PHF20L1: variants seen among roughly 807,000 people sequenced by gnomAD.
PHF20L1 encodes PHD finger protein 20-like protein 1.
PHF20L1 carries 44 observed loss-of-function variants against 125.5 expected under a neutral mutation model. That is an observed-to-expected ratio of 0.35 (90% CI 0.28 to 0.45). The LOEUF (loss-of-function observed/expected upper bound fraction) is 0.45. Among genes scored for constraint, PHF20L1 ranks in the 20% least tolerant of loss-of-function variants. The pLI is 1.00. For synonymous variants in PHF20L1, 380 were observed against 403.1 expected, an observed-to-expected ratio of 0.94 and a Z score of 0.69; for missense variants, 1,012 against 1,217.2, an observed-to-expected ratio of 0.83 and a Z score of 2.51.
At chr8:132,796,982 C>T (rs908087215) in intron 4 of PHF20L1, among the ~76,000 whole-genome samples, 14 of 152,016 alleles carry the variant, frequency 9.2e-5, no homozygotes, top group Non-Finnish European at 1.8e-4. Context: ...CAGGTACACA[C>T]ATAGCGCACA....
At chr8:132,832,448 G>A in intron 15 of PHF20L1, 49 bp downstream of exon 15, 1 of 1,325,386 alleles carries the variant, frequency 7.5e-7, no homozygotes, top group South Asian at 1.2e-5. Flanking sequence ...ATTCCTAAAT[G>A]TGTAACTGAG....
chr8:132,790,248 A>G (rs1831526297), intron 2 of PHF20L1, among the ~76,000 whole-genome samples: 1 of 152,234 alleles, frequency 6.6e-6, no homozygotes, highest in African/African-American at 2.4e-5. Flanking sequence ...GCATTTGTGA[A>G]TACATTTGTG....
Position 132,833,242 on chromosome 8 carries a change from C to T in PHF20L1, c.1909+843C>T, listed in dbSNP as rs16904747. Among the ~76,000 whole-genome samples, 1,282 of 152,156 alleles carry T rather than the reference C, an allele frequency of 8.4e-3. 27 individuals are homozygous for T. The highest frequency in any genetic ancestry group is 0.029 in the African/African-American group (1,220 of 41,530). Reference sequence around the variant, plus strand: ...CCTTTTTCTTTCTTCTGACTGACCTCGATGGTGGATACTAGGTTAAATGTT... The same window carrying T: ...CCTTTTTCTTTCTTCTGACTGACCTTGATGGTGGATACTAGGTTAAATGTT... On this transcript the variant is annotated intron_variant, in intron 15 of 20. Transcript: ENST00000395386.
At chr8:132,810,834 G>C in intron 8 of PHF20L1, 1 of 482,146 alleles carries the variant, frequency 2.1e-6, no homozygotes, top group South Asian at 2.2e-5. Context: ...TTAAACAACA[G>C]ACACACAACT....
Position 132,799,170 on chromosome 8 carries a change from GA to G in PHF20L1, c.506del (p.Glu169GlyfsTer4). 1 of 1,596,208 alleles carries G rather than the reference GA, an allele frequency of 6.3e-7. No homozygotes were observed. The highest frequency in any genetic ancestry group is 8.6e-7 in the Non-Finnish European group (1 of 1,167,576). On this transcript the variant is annotated frameshift_variant and splice_region_variant, in exon 6 of 21. Transcript: ENST00000395386. LOFTEE classifies it high-confidence loss of function. ...ATCGTGTAACCAGTCTATGGGAAGT[GA>G]GGTAAGAGCCTTTTTTTTAAAAATT... ...AGSCNQSMGS[E>X]DWIALVKAAA...
At chr8:132,832,799 T>C (rs1836916665) in intron 15 of PHF20L1, among the ~76,000 whole-genome samples, 1 of 152,154 alleles carries the variant, frequency 6.6e-6, no homozygotes, top group Non-Finnish European at 1.5e-5. Context: ...ACTCCGTAGA[T>C]AATGCTTTCT....
rs575168510 is a variant in PHF20L1, at chr8:132,793,461, C to A, written c.84-949C>A. Among the ~76,000 whole-genome samples, 11 of 152,160 alleles carry A rather than the reference C, an allele frequency of 7.2e-5. No individual in the cohort carries two copies. The South Asian group carries it at 2.3e-3, about 32-fold the overall frequency. On this transcript the variant is annotated intron_variant, in intron 2 of 20. Coordinates refer to ENST00000395386, the MANE Select transcript of PHF20L1 (RefSeq NM_016018.5). ...TACTTTATATTTAAAGCTAGTTTTT[C>A]ACGGGGAAAACAAAGATTCTGAATT...
Position 132,847,192 on chromosome 8 carries a change from T to C in PHF20L1, c.*1269T>C, listed in dbSNP as rs1460667580. 6.6e-6 allele frequency: 1 copy of C among 152,502 alleles called. No homozygotes were observed. 9.4% of individuals were successfully genotyped at this position (152,502 alleles called of 1,614,324 possible). On this transcript the variant is annotated 3_prime_UTR_variant, in exon 21 of 21. Coordinates refer to ENST00000395386, the MANE Select transcript of PHF20L1 (RefSeq NM_016018.5). ...TAAACAAACACTCAACGTACATATG[T>C]ACATAATCTACACATATTTATATCA...
intron 7 of PHF20L1, 101 bp downstream of exon 7, chr8:132,804,133 T>C (rs539790651): frequency 3.9e-6 from 3 of 764,198 alleles, no homozygotes; most frequent in East Asian, 2.7e-5. Flanking sequence ...TATAATTAAA[T>C]TTGTAGGCTT....
Position 132,803,833 on chromosome 8 carries a change from A to G in PHF20L1, c.522A>G (p.Leu174=). The part of the protein sequence containing the change: ...QSMGSEDWIA[L]VKAAAAAAAK... ...TTCCTTTGGAGGATTGGATAGCTTT[A>G]GTCAAAGCAGCTGCTGCAGCTGCAG... Residue 174 remains leucine, a synonymous_variant, in exon 7 of 21, where the codon TTA becomes TTG. Transcript: ENST00000395386. 1 of 1,596,990 alleles carries G rather than the reference A, an allele frequency of 6.3e-7. No individual in the cohort carries two copies.
intron 20 of PHF20L1, 29 bp from the exon 21 acceptor site, chr8:132,845,752 A>G: frequency 1.3e-6 from 2 of 1,534,406 alleles, no homozygotes; most frequent in Non-Finnish European, 1.8e-6. Context: ...GTTGCAGTTT[A>G]AATTTGTTTA....
intron 9 of PHF20L1, chr8:132,811,526 GTGT>G (rs1834389110): frequency 1.0e-6 from 1 of 985,666 alleles, no homozygotes; most frequent in Non-Finnish European, 1.2e-6. Flanking sequence ...GTAACAATTG[GTGT>G]TGTTAGACTG....
intron 12 of PHF20L1, among the ~76,000 whole-genome samples, chr8:132,821,143 G>C (rs1327308900): frequency 6.6e-6 from 1 of 151,864 alleles, no homozygotes; most frequent in Non-Finnish European, 1.5e-5. Flanking sequence ...AAATGCATCA[G>C]GCTTTGCTTC....
At chr8:132,791,433 A>G (rs1387816030) in intron 2 of PHF20L1, among the ~76,000 whole-genome samples, 4 of 151,536 alleles carry the variant, frequency 2.6e-5, no homozygotes, top group Non-Finnish European at 4.4e-5. Context: ...TTGTTATTTT[A>G]CTAGAGACCG....
At position 132,846,179 on chromosome 8, in the gene PHF20L1, A is replaced by AATGT. The variant is rs1563864038; in HGVS notation, c.*259_*262dup. ...GCCAAGGAACAATGAAGTAGAATAT[A>AATGT]ATGTATACTAAGGGATTTCAAGTTC... On this transcript the variant is annotated 3_prime_UTR_variant, in exon 21 of 21. Coordinates refer to ENST00000395386, the MANE Select transcript of PHF20L1 (RefSeq NM_016018.5). The AATGT allele has an allele frequency of 2.9e-6, 1 of 343,026 alleles. No individual in the cohort carries two copies. 21.2% of individuals were successfully genotyped at this position (343,026 alleles called of 1,614,324 possible).
rs1835055690 is a variant in PHF20L1 at position 132,816,965 on chromosome 8, T to G, written c.1261T>G (p.Leu421Val). 9.3e-6 allele frequency: 15 copies of G among 1,611,990 alleles called. No individual in the cohort carries two copies. Among genetic ancestry groups the G allele is most frequent in the Non-Finnish European group, 1.3e-5 (15 of 1,178,520 alleles). Residue 421 changes from leucine to valine, a missense_variant, in exon 11 of 21, where the codon TTA becomes GTA. Physicochemically the swap from Leu to Val is conservative, Grantham distance 32 (BLOSUM62 1). This residue lies in a region of PHF20L1 where 119 missense variants were observed against 160.2 expected (regional missense o/e 0.74). Transcript: ENST00000395386. ...RRRRSQRLAT[L>V]PMPDDSVEKV... Reference sequence around the variant, plus strand: ...AAGAAGATCTCAGCGTTTAGCCACCTTACCCATGCCTGATGATTCTGTAGA... The same window carrying G: ...AAGAAGATCTCAGCGTTTAGCCACCGTACCCATGCCTGATGATTCTGTAGA...
At chr8:132,826,047 A>G (rs971577181) in intron 14 of PHF20L1, 6 of 152,068 alleles carry the variant, frequency 3.9e-5, no homozygotes, top group African/African-American at 1.4e-4. Flanking sequence ...GATTTAAGTA[A>G]CTTTGCTATC....
chr8:132,807,306 C>A (rs1586939471), intron 8 of PHF20L1: 1 of 164,598 alleles, frequency 6.1e-6, no homozygotes, highest in Non-Finnish European at 1.3e-5. Flanking sequence ...TTGAAATAAA[C>A]AATTTTACTT....
intron 6 of PHF20L1, among the ~76,000 whole-genome samples, chr8:132,801,440 A>G (rs936260858): frequency 3.3e-5 from 5 of 151,726 alleles, no homozygotes; most frequent in African/African-American, 1.2e-4. Flanking sequence ...TTTAACCCAA[A>G]GTTTCTGATT....
Sources: allele counts gnomAD v4.1 joint callset (sites outside exome capture counted in the v4.1 genomes callset), GRCh38; gene constraint gnomAD v4.1.1; regional missense constraint gnomAD v4.1.1; transcripts MANE v1.5; gene names NCBI Gene and HGNC (gene_info 2026-07-23, HGNC 2026-07-21).